ADGRB3: variants seen among roughly 807,000 people sequenced by gnomAD.
ADGRB3 encodes brain-specific angiogenesis inhibitor 3.
ADGRB3 carries 37 observed loss-of-function variants against 193.4 expected under a neutral mutation model. The ratio of observed to expected loss-of-function variants is 0.19; its 90% CI spans 0.15 to 0.25. ADGRB3 has a LOEUF of 0.25. ADGRB3 is among the 10% of genes least tolerant of loss of function. The pLI is 1.00. For missense variants in ADGRB3, 1,637 were observed against 1,852.9 expected (o/e 0.88, Z 2.14); for synonymous variants, 690 against 644.2 (o/e 1.07, Z -1.08).
chr6:68,985,560 G>A (rs914929830), intron 10 of ADGRB3, among the ~76,000 whole-genome samples: 2 of 152,134 alleles, frequency 1.3e-5, no homozygotes, highest in Non-Finnish European at 2.9e-5. Context: ...TGGTCAATTG[G>A]TTGTGCATGG....
intron 3 of ADGRB3, among the ~76,000 whole-genome samples, chr6:68,745,317 C>T (rs1290407936): frequency 3.3e-5 from 5 of 152,092 alleles, no homozygotes; most frequent in South Asian, 2.1e-4. Context: ...AGCCTGAGGA[C>T]ATTATGCTAA....
chr6:69,074,517 T>C (rs1772169639), intron 16 of ADGRB3, among the ~76,000 whole-genome samples: 2 of 148,930 alleles, frequency 1.3e-5, no homozygotes, highest in Non-Finnish European at 3.0e-5. Flanking sequence ...AGGAAGGCAG[T>C]GGCCTGTTTC....
chr6:69,264,767 A>T lies in ADGRB3; in HGVS notation c.2814+25541A>T, dbSNP rs151139463. Among the ~76,000 whole-genome samples, 416 of 152,016 alleles carry T rather than the reference A, an allele frequency of 2.7e-3. 2 individuals carry two copies. Among genetic ancestry groups the T allele is most frequent in the African/African-American group, 9.2e-3 (384 of 41,518 alleles). On this transcript the variant is annotated intron_variant, in intron 20 of 31. Transcript: ENST00000370598. ...GAGTTCTTTTCAACATTACAAAAAC[A>T]TATTTACACAGTTACTGAGAAAAAA...
In ADGRB3 at chr6:69,190,672, G is replaced by GTT. The variant is rs201403384; in HGVS notation, c.2481-42617_2481-42616dup. ...AAAATCTACAGTAGTATAGAATGGT[G>GTT]TTCTAGGCCTTCACATTCAATCACC... is the stretch of plus-strand genomic sequence containing the variant. On this transcript the variant is annotated intron_variant, in intron 17 of 31. Coordinates refer to ENST00000370598, the MANE Select transcript of ADGRB3 (RefSeq NM_001704.3). Among the ~76,000 whole-genome samples, 365 of 152,188 alleles carry GTT rather than the reference G, an allele frequency of 2.4e-3. 12 individuals carry two copies. In the East Asian group the frequency reaches 0.06, roughly 25 times the overall value.
intron 3 of ADGRB3, among the ~76,000 whole-genome samples, chr6:68,668,703 C>T (rs1331274733): frequency 1.3e-5 from 2 of 151,876 alleles, no homozygotes; most frequent in South Asian, 2.1e-4. Context: ...TCATCCTCAT[C>T]GCCTGCTAGC....
At chr6:69,227,368 T>A (rs1766041951) in intron 17 of ADGRB3, among the ~76,000 whole-genome samples, 1 of 152,146 alleles carries the variant, frequency 6.6e-6, no homozygotes, top group Non-Finnish European at 1.5e-5. Context: ...TTACTCTGAG[T>A]GAGATCAGAA....
At chr6:69,295,587 C>T (rs565994767) in intron 20 of ADGRB3, among the ~76,000 whole-genome samples, 1 of 152,168 alleles carries the variant, frequency 6.6e-6, no homozygotes, top group Non-Finnish European at 1.5e-5. Flanking sequence ...GTTTTTATAC[C>T]ATAAACCCAC....
intron 13 of ADGRB3, among the ~76,000 whole-genome samples, chr6:69,031,021 T>C (rs1433009878): frequency 0.063 from 6,426 of 102,006 alleles, 1,288 homozygotes; most frequent in Middle Eastern, 0.18. Context: ...TTTTCTTTTT[T>C]TTTTCCTCTT....
intron 17 of ADGRB3, among the ~76,000 whole-genome samples, chr6:69,095,531 G>C (rs1772849236): frequency 6.6e-6 from 1 of 152,144 alleles, no homozygotes; most frequent in Admixed American, 6.5e-5. Flanking sequence ...GGGAAGACTG[G>C]TTAGCAAATG....
intron 17 of ADGRB3, among the ~76,000 whole-genome samples, chr6:69,157,799 C>T (rs975784002): frequency 5.9e-5 from 9 of 151,674 alleles, no homozygotes; most frequent in Non-Finnish European, 1.3e-4. Context: ...TGGTGGCAAC[C>T]AACTTATGAC....
intron 3 of ADGRB3, among the ~76,000 whole-genome samples, chr6:68,750,073 T>A (rs1282697702): frequency 1.3e-5 from 2 of 152,184 alleles, no homozygotes; most frequent in Non-Finnish European, 2.9e-5. Flanking sequence ...AACAGCTATA[T>A]TATGAAACTG....
chr6:69,307,973 C>A (rs1768101473), intron 20 of ADGRB3, among the ~76,000 whole-genome samples: 1 of 151,384 alleles, frequency 6.6e-6, no homozygotes, highest in Admixed American at 6.6e-5. Context: ...AACATGAAGC[C>A]TAGGAATCTA....
At chr6:69,307,384 T>G (rs565095261) in intron 20 of ADGRB3, among the ~76,000 whole-genome samples, 1 of 151,788 alleles carries the variant, frequency 6.6e-6, no homozygotes, top group African/African-American at 2.4e-5. Flanking sequence ...TGTTCCACAT[T>G]AAATATAAAT....
At chr6:69,033,795 TACATTA>T (rs2150294853) in intron 13 of ADGRB3, among the ~76,000 whole-genome samples, 1 of 152,188 alleles carries the variant, frequency 6.6e-6, no homozygotes, top group South Asian at 2.1e-4. Flanking sequence ...TTTTCAAAGT[TACATTA>T]AAGAATGAAG....
intron 22 of ADGRB3, among the ~76,000 whole-genome samples, chr6:69,329,197 A>T (rs1476205539): frequency 6.6e-6 from 1 of 152,146 alleles, no homozygotes; most frequent in East Asian, 1.9e-4. Flanking sequence ...TTACACAAAA[A>T]TACAGTGGGA....
chr6:68,801,590 G>A (rs892938850), intron 3 of ADGRB3, among the ~76,000 whole-genome samples: 2 of 152,176 alleles, frequency 1.3e-5, no homozygotes, highest in Non-Finnish European at 2.9e-5. Flanking sequence ...TTGGGAGGCT[G>A]AGGCAAGAGA....
Position 69,371,835 on chromosome 6 carries a change from C to T in ADGRB3, c.4240-571C>T, listed in dbSNP as rs79262322. On this transcript the variant is annotated intron_variant, in intron 29 of 31. Coordinates refer to ENST00000370598, the MANE Select transcript of ADGRB3 (RefSeq NM_001704.3). ...TTGTTTTGCTGAACTAGAACAAATA[C>T]GTTAGTTCCTTAGGACTAGCAATGA... is the stretch of plus-strand genomic sequence containing the variant. Among the ~76,000 whole-genome samples, 44 of 152,128 alleles carry T rather than the reference C, an allele frequency of 2.9e-4. No individual in the cohort carries two copies. In the East Asian group the frequency reaches 7.7e-3, roughly 27 times the overall value.
chr6:68,662,648 C>T (rs905045491), intron 3 of ADGRB3, among the ~76,000 whole-genome samples: 1 of 151,490 alleles, frequency 6.6e-6, no homozygotes, highest in African/African-American at 2.4e-5. Context: ...ATGAGTATAT[C>T]TCAAAACAGT....
intron 20 of ADGRB3, among the ~76,000 whole-genome samples, chr6:69,246,733 C>T (rs1003828447): frequency 6.6e-6 from 1 of 152,174 alleles, no homozygotes. Context: ...ATTACTGAAA[C>T]GATTGAGATG....
Sources: allele counts gnomAD v4.1 joint callset (sites outside exome capture counted in the v4.1 genomes callset), GRCh38; gene constraint gnomAD v4.1.1; transcripts MANE v1.5; gene names NCBI Gene and HGNC (gene_info 2026-07-23, HGNC 2026-07-21).